RAPGEF2: variants seen among roughly 807,000 people sequenced by gnomAD.
The protein encoded by RAPGEF2 is PDZ domain containing guanine nucleotide exchange factor (GEF) 1.
RAPGEF2 carries 54 observed loss-of-function variants against 186.7 expected under a neutral mutation model. The ratio of observed to expected loss-of-function variants is 0.29; its 90% CI spans 0.23 to 0.36. RAPGEF2 has a LOEUF of 0.36. RAPGEF2 is among the 10% of genes least tolerant of loss of function. RAPGEF2 has a pLI of 1.00. For missense variants in RAPGEF2, 1,532 were observed against 2,045.0 expected, an observed-to-expected ratio of 0.75 and a Z score of 4.84; for synonymous variants, 712 against 705.9, an observed-to-expected ratio of 1.01 and a Z score of -0.14.
intron 7 of RAPGEF2, among the ~76,000 whole-genome samples, chr4:159,252,043 G>A (rs1166791205): frequency 6.6e-6 from 1 of 152,004 alleles, no homozygotes; most frequent in African/African-American, 2.4e-5. Context: ...AACAAACTCT[G>A]GACACACCAT....
chr4:159,124,098 G>A (rs1273737212), intron 1 of RAPGEF2, among the ~76,000 whole-genome samples: 5 of 151,172 alleles, frequency 3.3e-5, no homozygotes, highest in South Asian at 2.1e-4. Context: ...CAGGTGATCT[G>A]CCTGCCTCCA....
chr4:159,334,256 AT>A (rs1767092611), intron 17 of RAPGEF2, among the ~76,000 whole-genome samples: 1 of 152,066 alleles, frequency 6.6e-6, no homozygotes, highest in East Asian at 1.9e-4. Flanking sequence ...TTTTAAATTA[AT>A]TTATTTTTTT....
intron 9 of RAPGEF2, among the ~76,000 whole-genome samples, chr4:159,316,614 C>A (rs1444146330): frequency 1.3e-5 from 2 of 152,180 alleles, no homozygotes; most frequent in Admixed American, 1.3e-4. Context: ...TAATGGCCTC[C>A]AACTCCATCC....
chr4:159,215,762 C>A (rs896614850), intron 4 of RAPGEF2, among the ~76,000 whole-genome samples: 1 of 151,916 alleles, frequency 6.6e-6, no homozygotes, highest in Non-Finnish European at 1.5e-5. Context: ...ATGTGGTGAC[C>A]AGGTAGGGAC....
chr4:159,319,602 A>G (rs1210105625), intron 9 of RAPGEF2, among the ~76,000 whole-genome samples: 2 of 152,164 alleles, frequency 1.3e-5, no homozygotes, highest in Admixed American at 6.5e-5. Flanking sequence ...TGATACCATT[A>G]TTGAATCCTT....
chr4:159,195,281 A>T (rs1366014580), intron 3 of RAPGEF2, among the ~76,000 whole-genome samples: 1 of 152,238 alleles, frequency 6.6e-6, no homozygotes, highest in Non-Finnish European at 1.5e-5. Flanking sequence ...TATCAGTGGA[A>T]TGAGTATACA....
intron 1 of RAPGEF2, among the ~76,000 whole-genome samples, chr4:159,108,583 C>T (rs1483352643): frequency 6.6e-6 from 1 of 151,914 alleles, no homozygotes; most frequent in Non-Finnish European, 1.5e-5. Flanking sequence ...TAAGAAAATT[C>T]ACTGCATTTT....
chr4:159,162,351 A>G (rs1744804077), intron 1 of RAPGEF2, among the ~76,000 whole-genome samples: 2 of 151,114 alleles, frequency 1.3e-5, no homozygotes, highest in South Asian at 4.2e-4. Context: ...GAGCTATGAT[A>G]ACACTGCACT....
chr4:159,205,817 T>C (rs1359457646), intron 3 of RAPGEF2, among the ~76,000 whole-genome samples: 1 of 152,176 alleles, frequency 6.6e-6, no homozygotes, highest in Non-Finnish European at 1.5e-5. Context: ...GTTAAACCTC[T>C]TTTCAAGTTA....
chr4:159,113,423 G>A lies in RAPGEF2; in HGVS notation c.69+9192G>A, dbSNP rs556094045. Among the ~76,000 whole-genome samples, 5 of 152,046 alleles carry A rather than the reference G, an allele frequency of 3.3e-5. 1 individual carries two copies. The highest frequency in any genetic ancestry group is 1.2e-4 in the African/African-American group (5 of 41,472). On this transcript the variant is annotated intron_variant, in intron 1 of 29. Transcript: ENST00000691494. The stretch of plus-strand genomic sequence containing the variant: ...AAGTTTTTTTTGTGAACCTGAAAAG[G>A]GGATACCAAATTATTACTTTTTAAG...
intron 1 of RAPGEF2, among the ~76,000 whole-genome samples, chr4:159,174,760 CTT>C (rs1043918425): frequency 4.1e-4 from 18 of 44,080 alleles, no homozygotes; most frequent in Admixed American, 3.8e-4. Flanking sequence ...TTCTTTCTTT[CTT>C]TTTTTTTTTT....
rs181297424 is a variant in RAPGEF2 at position 159,215,663 on chromosome 4, A to G, written c.281+5080A>G. Among the ~76,000 whole-genome samples, 98 of 152,364 alleles carry G rather than the reference A, an allele frequency of 6.4e-4. 1 individual carries two copies. The highest frequency in any genetic ancestry group is 6.1e-3 in the Admixed American group (93 of 15,306). On this transcript the variant is annotated intron_variant, in intron 4 of 29. Transcript: ENST00000691494. Reference sequence around the variant, plus strand: ...ATAGTCATGTGTACCATATTTAATCATAAACAACATCTTTATTGCTCTGAT... The same window carrying G: ...ATAGTCATGTGTACCATATTTAATCGTAAACAACATCTTTATTGCTCTGAT...
At position 159,358,964 on chromosome 4, in the gene RAPGEF2, C is replaced by T. The variant is rs908582468; in HGVS notation, c.*825C>T. The T allele has an allele frequency of 2.4e-4, 36 of 152,366 alleles. No homozygotes were observed. Among genetic ancestry groups the T allele is most frequent in the African/African-American group, 8.4e-4 (35 of 41,570 alleles). 9.4% of individuals were successfully genotyped at this position (152,366 alleles called of 1,614,324 possible). Reference sequence around the variant, plus strand: ...TCCTTCCCCAGTGGATGGGGTTCTTCTGTAAAACTGTTTGCACATGGCCAG... The same window carrying T: ...TCCTTCCCCAGTGGATGGGGTTCTTTTGTAAAACTGTTTGCACATGGCCAG... On this transcript the variant is annotated 3_prime_UTR_variant, in exon 30 of 30. Coordinates refer to ENST00000691494, the MANE Select transcript of RAPGEF2 (RefSeq NM_001394067.2).
At chr4:159,354,302 T>C (rs143805538) in intron 28 of RAPGEF2, among the ~76,000 whole-genome samples, 108 of 152,298 alleles carry the variant, frequency 7.1e-4, no homozygotes, top group African/African-American at 2.4e-3. Flanking sequence ...GATGAGTAGA[T>C]TGTCATTGTG....
Position 159,104,553 on chromosome 4 carries a change from A to AGTGTGTGT in RAPGEF2, c.69+333_69+340dup, listed in dbSNP as rs1219918425. 7.2e-4 allele frequency among the ~76,000 whole-genome samples: 98 copies of AGTGTGTGT among 136,090 alleles called. 1 individual carries two copies. The highest frequency in any genetic ancestry group is 1.8e-3 in the African/African-American group (63 of 34,206). The allele number at this position is 136,090 out of a possible 152,430, so 89.3% of individuals were successfully genotyped here. Reference sequence around the variant, plus strand: ...GAGAGACAGAGAGAGAGAGAGAGAGAGTGTGTGTGTGTGTGTGTATGTGTG... The same window carrying AGTGTGTGT: ...GAGAGACAGAGAGAGAGAGAGAGAGAGTGTGTGTGTGTGTGTGTGTGTGTGTATGTGTG... On this transcript the variant is annotated intron_variant, in intron 1 of 29. Coordinates refer to ENST00000691494, the MANE Select transcript of RAPGEF2 (RefSeq NM_001394067.2).
At chr4:159,165,248 C>A (rs1188988388) in intron 1 of RAPGEF2, among the ~76,000 whole-genome samples, 1 of 152,022 alleles carries the variant, frequency 6.6e-6, no homozygotes, top group Non-Finnish European at 1.5e-5. Context: ...ACAAAGGAGT[C>A]TTGTTTTAAA....
intron 1 of RAPGEF2, among the ~76,000 whole-genome samples, chr4:159,170,920 T>TA (rs1397721912): frequency 1.3e-5 from 2 of 152,172 alleles, no homozygotes; most frequent in Non-Finnish European, 2.9e-5. Context: ...CATGTGTAGA[T>TA]ACCCAGTTTT....
At chr4:159,209,151 CA>C (rs1354094194) in intron 3 of RAPGEF2, among the ~76,000 whole-genome samples, 2 of 132,236 alleles carry the variant, frequency 1.5e-5, no homozygotes, top group Non-Finnish European at 3.1e-5. Context: ...CTGAGCCTCC[CA>C]AAGTGCTGAG....
At chr4:159,216,504 T>C (rs1002017188) in intron 4 of RAPGEF2, among the ~76,000 whole-genome samples, 9 of 151,920 alleles carry the variant, frequency 5.9e-5, no homozygotes, top group African/African-American at 2.2e-4. Flanking sequence ...GGCACAGAGA[T>C]AGGATTCAGC....
Sources: allele counts gnomAD v4.1 joint callset (sites outside exome capture counted in the v4.1 genomes callset), GRCh38; gene constraint gnomAD v4.1.1; transcripts MANE v1.5; gene names NCBI Gene and HGNC (gene_info 2026-07-23, HGNC 2026-07-21).